The following CERS6 variants were observed in gnomAD, a reference collection of about 807,000 sequenced individuals.
CERS6 encodes the protein LAG1 homolog, ceramide synthase 6.
A neutral mutation model predicts 56.8 loss-of-function variants in CERS6; 26 were observed. The ratio of observed to expected loss-of-function variants is 0.46; its 90% confidence interval spans 0.34 to 0.63. The LOEUF (loss-of-function observed/expected upper bound fraction) is 0.63, where lower values mean the gene tolerates loss of function less well. Ranked by LOEUF, CERS6 falls within the 30% of genes least tolerant of loss-of-function variation. CERS6 has a pLI of 0.01. For synonymous variants in CERS6, 164 were observed against 173.3 expected, an observed-to-expected ratio of 0.95 and a Z score of 0.42; for missense variants, 415 against 467.5, an observed-to-expected ratio of 0.89 and a Z score of 1.04.
chr2:168,627,928 G>A (rs76343972), intron 3 of CERS6, among the ~76,000 whole-genome samples: 2,618 of 151,920 alleles, frequency 0.017, 101 homozygotes, highest in East Asian at 0.16. Flanking sequence ...GTATGTATCT[G>A]TGTTCCTCCC....
chr2:168,594,939 T>C (rs1559013007), intron 3 of CERS6, among the ~76,000 whole-genome samples: 1 of 152,224 alleles, frequency 6.6e-6, no homozygotes, highest in Non-Finnish European at 1.5e-5. Context: ...GGTTTGCTGA[T>C]TGATTCAAAG....
chr2:168,470,791 T>G (rs1052435882), intron 1 of CERS6, among the ~76,000 whole-genome samples: 1 of 152,164 alleles, frequency 6.6e-6, no homozygotes, highest in African/African-American at 2.4e-5. Context: ...TTTGTGTATG[T>G]GTTTTATGTT....
At chr2:168,642,419 C>T (rs1478847334) in intron 4 of CERS6, among the ~76,000 whole-genome samples, 2 of 152,108 alleles carry the variant, frequency 1.3e-5, no homozygotes, top group Non-Finnish European at 2.9e-5. Context: ...GTATTTTTGT[C>T]TTTTGTCTTG....
intron 1 of CERS6, among the ~76,000 whole-genome samples, chr2:168,521,155 C>A (rs770009905): frequency 2.8e-4 from 42 of 152,058 alleles, no homozygotes; most frequent in Non-Finnish European, 5.1e-4. Context: ...CTGACAACGC[C>A]GTACAGTGAT....
chr2:168,628,977 A>G (rs1170427653), intron 3 of CERS6, among the ~76,000 whole-genome samples: 1 of 152,006 alleles, frequency 6.6e-6, no homozygotes, highest in Non-Finnish European at 1.5e-5. Flanking sequence ...AGCATTTAAA[A>G]CAATAACATA....
chr2:168,470,325 A>G (rs931747503), intron 1 of CERS6, among the ~76,000 whole-genome samples: 2 of 152,038 alleles, frequency 1.3e-5, no homozygotes, highest in African/African-American at 2.4e-5. Flanking sequence ...CCAGGCTGCA[A>G]TGAACTATGA....
intron 4 of CERS6, among the ~76,000 whole-genome samples, chr2:168,661,077 C>T (rs1270353324): frequency 6.6e-6 from 1 of 152,122 alleles, no homozygotes; most frequent in East Asian, 1.9e-4. Context: ...AGTTCATACA[C>T]AGCCTGGACA....
intron 3 of CERS6, among the ~76,000 whole-genome samples, chr2:168,596,555 CTTT>C (rs35269601): frequency 8.7e-6 from 1 of 114,830 alleles, no homozygotes; most frequent in Non-Finnish European, 1.7e-5. Context: ...ATCCCCCCCC[CTTT>C]TTTTTTTTTT....
At chr2:168,552,489 A>T (rs559261686) in intron 2 of CERS6, among the ~76,000 whole-genome samples, 64 of 152,292 alleles carry the variant, frequency 4.2e-4, no homozygotes, top group African/African-American at 1.5e-3. Context: ...TTCAAAACAT[A>T]TAAAGGCTAC....
chr2:168,674,258 C>T (rs924896283), intron 4 of CERS6, among the ~76,000 whole-genome samples: 2 of 152,158 alleles, frequency 1.3e-5, no homozygotes, highest in Admixed American at 1.3e-4. Context: ...TAGACCTTAA[C>T]TCAACATAAA....
intron 1 of CERS6, among the ~76,000 whole-genome samples, chr2:168,468,618 T>C (rs1426575782): frequency 6.6e-6 from 1 of 152,216 alleles, no homozygotes; most frequent in African/African-American, 2.4e-5. Flanking sequence ...ACACAATCAC[T>C]TTCTGAGTGT....
intron 3 of CERS6, among the ~76,000 whole-genome samples, chr2:168,602,903 G>A (rs1336935430): frequency 6.6e-6 from 1 of 152,180 alleles, no homozygotes; most frequent in African/African-American, 2.4e-5. Flanking sequence ...TTCTTTGGGG[G>A]CACTGATGGA....
intron 3 of CERS6, among the ~76,000 whole-genome samples, chr2:168,630,328 GCA>G (rs1684687040): frequency 1.3e-5 from 1 of 76,944 alleles, no homozygotes; most frequent in African/African-American, 6.0e-5. Flanking sequence ...ACACACACAC[GCA>G]CACATCTTAT....
chr2:168,647,732 T>C (rs933688233), intron 4 of CERS6, among the ~76,000 whole-genome samples: 1 of 152,202 alleles, frequency 6.6e-6, no homozygotes, highest in Non-Finnish European at 1.5e-5. Flanking sequence ...GGGTGTTGAA[T>C]ATTATCAGAA....
In CERS6 at chr2:168,774,625, G is replaced by A. The variant is rs1416886344; in HGVS notation, c.*4963G>A. On this transcript the variant is annotated 3_prime_UTR_variant, in exon 10 of 10. Coordinates refer to ENST00000305747, the MANE Select transcript of CERS6 (RefSeq NM_203463.3). ...ACTGTCATCATGAAACTACCCTTAG[G>A]AAAATAAGATTACCTGCAAAAAAAA... 1.3e-5 allele frequency: 2 copies of A among 149,544 alleles called. No individual in the cohort carries two copies. The highest frequency in any genetic ancestry group is 1.3e-4 in the Admixed American group (2 of 15,054). 9.3% of individuals were successfully genotyped at this position (149,544 alleles called of 1,614,324 possible). A position where few individuals can be genotyped will look rare whatever the true frequency, so the allele number is the denominator to read the frequency against.
intron 1 of CERS6, among the ~76,000 whole-genome samples, chr2:168,540,477 A>G (rs1007220942): frequency 3.9e-5 from 6 of 152,152 alleles, no homozygotes; most frequent in South Asian, 4.1e-4. Context: ...TTAATTGCCT[A>G]TTCACTACAA....
At chr2:168,735,498 A>G (rs766497276) in intron 8 of CERS6, among the ~76,000 whole-genome samples, 7 of 152,072 alleles carry the variant, frequency 4.6e-5, no homozygotes, top group Non-Finnish European at 7.4e-5. Flanking sequence ...TCAGGGCTCT[A>G]TGAGTGTGAT....
chr2:168,680,725 G>A (rs975932269), intron 4 of CERS6, among the ~76,000 whole-genome samples: 2 of 152,190 alleles, frequency 1.3e-5, no homozygotes, highest in Admixed American at 1.3e-4. Context: ...CAGCCTTTGG[G>A]TAGCTTGCCC....
At chr2:168,639,448 A>G (rs988410612) in intron 4 of CERS6, among the ~76,000 whole-genome samples, 7 of 152,254 alleles carry the variant, frequency 4.6e-5, no homozygotes, top group Non-Finnish European at 1.0e-4. Context: ...TAGCGAGGAA[A>G]GCATTACTCA....
Sources: gnomAD v4.1 joint callset for allele counts (sites outside exome capture counted in the v4.1 genomes callset) on GRCh38, gnomAD v4.1.1 for gene constraint, MANE v1.5 for transcripts, NCBI Gene and HGNC (gene_info 2026-07-23, HGNC 2026-07-21) for gene names.